The following SDHA variants were observed in gnomAD, a reference collection of about 807,000 sequenced individuals.
SDHA encodes succinate dehydrogenase complex flavoprotein subunit A, also known as succinate dehydrogenase [ubiquinone] flavoprotein subunit, mitochondrial.
A neutral mutation model predicts 78.4 loss-of-function variants in SDHA; 48 were observed. The ratio of observed to expected loss-of-function variants is 0.61; its 90% confidence interval spans 0.49 to 0.78. The LOEUF (loss-of-function observed/expected upper bound fraction) is 0.78, where lower values mean the gene tolerates loss of function less well. Among genes scored for constraint, SDHA ranks in the 30% least tolerant of loss-of-function variants. The pLI is 0.00. For missense variants in SDHA, 680 were observed against 892.7 expected, an observed-to-expected ratio of 0.76 and a Z score of 3.04; for synonymous variants, 326 against 353.9, an observed-to-expected ratio of 0.92 and a Z score of 0.88.
chr5:234,934 CT>C lies in SDHA; in HGVS notation c.1065-209del, dbSNP rs1357541716. 4 of 625,734 alleles carry C rather than the reference CT, an allele frequency of 6.4e-6. No individual in the cohort carries two copies. The African/African-American group carries it at 7.3e-5, about 11-fold the overall frequency. The allele number at this position is 625,734 out of a possible 1,614,324, so 38.8% of individuals were successfully genotyped here. On this transcript the variant is annotated intron_variant, in intron 8 of 14. Coordinates refer to ENST00000264932, the MANE Select transcript of SDHA (RefSeq NM_004168.4). The stretch of plus-strand genomic sequence containing the variant: ...GTTTAGTGAGGGCAGAGTTTTTGTT[CT>C]GGTTCTCAGCTGTGTCCCAGCACCT...
At chr5:266,026 G>C in the SDHA span, among the ~76,000 whole-genome samples, 1 of 95,174 alleles carries the variant, frequency 1.1e-5, no homozygotes, top group Admixed American at 1.0e-4. Flanking sequence ...CAGACCTTCC[G>C]ATTCAGTCCT....
In SDHA at chr5:256,610, C is replaced by G. The variant is rs928033472; in HGVS notation, c.*190C>G. The G allele has an allele frequency of 1.6e-6, 1 of 619,182 alleles. No homozygotes were observed. Among genetic ancestry groups the G allele is most frequent in the African/African-American group, 1.8e-5 (1 of 54,448 alleles). The allele number at this position is 619,182 out of a possible 1,614,324, so 38.4% of individuals were successfully genotyped here. ...AGTGGCCAGGGAGCGTGGCACTTAC[C>G]TTTGTCCCTTGCTTCATTCTTGTGA... On this transcript the variant is annotated 3_prime_UTR_variant, in exon 15 of 15. Transcript: ENST00000264932.
At chr5:247,336 G>A (rs913682852) in intron 11 of SDHA, among the ~76,000 whole-genome samples, 1 of 152,212 alleles carries the variant, frequency 6.6e-6, no homozygotes, top group Non-Finnish European at 1.5e-5. Flanking sequence ...GTTAGGAGTA[G>A]AATGCACCCT....
chr5:229,471 G>A (rs1030503317), intron 6 of SDHA, among the ~76,000 whole-genome samples: 2 of 152,232 alleles, frequency 1.3e-5, no homozygotes, highest in African/African-American at 4.8e-5. Context: ...TGAACCCAAA[G>A]TCATTATGTT....
intron 2 of SDHA, among the ~76,000 whole-genome samples, chr5:223,983 T>C (rs1431093297): frequency 7.3e-6 from 1 of 137,246 alleles, no homozygotes; most frequent in Non-Finnish European, 1.5e-5. Flanking sequence ...TTGTATTTAG[T>C]GAGCCTATCT....
the SDHA span, among the ~76,000 whole-genome samples, chr5:265,193 C>T: frequency 6.6e-6 from 1 of 152,014 alleles, no homozygotes; most frequent in Non-Finnish European, 1.5e-5. Context: ...GCAACAGGAA[C>T]AAAACTCCAT....
chr5:233,602 G>A lies in SDHA; in HGVS notation c.1021G>A (p.Asp341Asn). 2 of 1,614,218 alleles carry A rather than the reference G, an allele frequency of 1.2e-6. No individual in the cohort carries two copies. The highest frequency in any genetic ancestry group is 1.1e-5 in the South Asian group (1 of 91,088). ...TGTCGCGAAGGACCTGGCGTCTAGA[G>A]ATGTGGTGTCTCGGTCCATGACTCT... is the stretch of plus-strand genomic sequence containing the variant. ...APVAKDLASR[D>N]VVSRSMTLEI... The change falls in exon 8 of 15, where the codon GAT becomes AAT. Residue 341 changes from aspartate (D) to asparagine (N), a missense_variant. Physicochemically the swap from Asp to Asn is conservative, Grantham distance 23. Coordinates refer to ENST00000264932, the MANE Select transcript of SDHA (RefSeq NM_004168.4).
At chr5:244,658 G>A (rs1477064697) in intron 11 of SDHA, among the ~76,000 whole-genome samples, 5 of 152,170 alleles carry the variant, frequency 3.3e-5, no homozygotes, top group Non-Finnish European at 4.4e-5. Context: ...AGCACTGGCC[G>A]TCTGTGTGGC....
At chr5:233,403 T>C (rs1735536671) in intron 7 of SDHA, 74 bp from the exon 8 acceptor site, 1 of 1,533,526 alleles carries the variant, frequency 6.5e-7, no homozygotes, top group African/African-American at 1.4e-5. Context: ...CCAAAAAATG[T>C]CTTGAAAAAA....
rs1737149407 is a variant in SDHA at position 255,807 on chromosome 5, AGAC to A, written c.1909-523_1909-521del. On this transcript the variant is annotated intron_variant, in intron 14 of 14. Coordinates refer to ENST00000264932, the MANE Select transcript of SDHA (RefSeq NM_004168.4). ...ATTGAAATAAGAGCTCACTAACCAG[AGAC>A]GACCCATTATGGTTTAAATTTCTTT... is the stretch of plus-strand genomic sequence containing the variant. 4.6e-5 allele frequency among the ~76,000 whole-genome samples: 7 copies of A among 152,334 alleles called. No homozygotes were observed. In the South Asian group the frequency reaches 1.5e-3, roughly 32 times the overall value.
intron 10 of SDHA, among the ~76,000 whole-genome samples, chr5:237,471 G>A (rs1182704914): frequency 7.5e-6 from 1 of 132,916 alleles, no homozygotes; most frequent in Non-Finnish European, 1.5e-5. Flanking sequence ...AATACCATGT[G>A]TGGGAGTGTG....
chr5:239,632 C>G lies in SDHA; in HGVS notation c.1433-726C>G, dbSNP rs1336902150. On this transcript the variant is annotated intron_variant, in intron 10 of 14. Transcript: ENST00000264932. ...AGAGTCCAAATCAACAGGTGACTTT[C>G]AAGCACACAGCAGCCACCTTCCCCC... 9.2e-5 allele frequency among the ~76,000 whole-genome samples: 14 copies of G among 152,038 alleles called. No homozygotes were observed. The South Asian group carries it at 2.1e-3, about 23-fold the overall frequency.
intron 7 of SDHA, among the ~76,000 whole-genome samples, chr5:232,153 G>A (rs2126572913): frequency 6.6e-6 from 1 of 152,268 alleles, no homozygotes; most frequent in East Asian, 1.9e-4. Flanking sequence ...TTCTCTGTCA[G>A]TGTCAGCTTT....
intron 8 of SDHA, chr5:234,685 A>G (rs928942343): frequency 1.4e-5 from 3 of 215,736 alleles, no homozygotes; most frequent in Admixed American, 5.2e-5. Context: ...TAAAACTTGA[A>G]ATGAGGATGA....
At position 233,359 on chromosome 5, in the gene SDHA, A is replaced by G. The variant is rs1251211246; in HGVS notation, c.896-118A>G. 3.6e-6 allele frequency: 4 copies of G among 1,096,026 alleles called. No individual in the cohort carries two copies. The African/African-American group carries it at 4.7e-5, about 13-fold the overall frequency. The allele number at this position is 1,096,026 out of a possible 1,614,324, so 67.9% of individuals were successfully genotyped here. On this transcript the variant is annotated intron_variant, in intron 7 of 14. Coordinates refer to ENST00000264932, the MANE Select transcript of SDHA (RefSeq NM_004168.4). ...ACTGTCTTGCTGTGCAGTTTTGCAC[A>G]TAATGCCTTCTGCTTATCTTTTTCC...
At chr5:251,799 CATCA>C in intron 13 of SDHA, 1 of 1,267,798 alleles carries the variant, frequency 7.9e-7, no homozygotes, top group Non-Finnish European at 1.0e-6. Context: ...ACGAGTAAGC[CATCA>C]TTTCAAGCCT....
chr5:247,530 A>G lies in SDHA; in HGVS notation c.1552-3462A>G, dbSNP rs1355333316. On this transcript the variant is annotated intron_variant, in intron 11 of 14. Transcript: ENST00000264932. ...CAGTACCCGGAAAGAAGCTAAAGCT[A>G]TTATCCAGCGATGCCCAACTTGCCA... 5.3e-5 allele frequency among the ~76,000 whole-genome samples: 8 copies of G among 152,250 alleles called. No homozygotes were observed. In the East Asian group the frequency reaches 7.7e-4, roughly 15 times the overall value.
At chr5:249,905 T>C (rs1309585291) in intron 11 of SDHA, 2 of 152,244 alleles carry the variant, frequency 1.3e-5, no homozygotes, top group Admixed American at 6.5e-5. Flanking sequence ...AAGAATGTAG[T>C]AAGGTGTCTG....
intron 1 of SDHA, among the ~76,000 whole-genome samples, chr5:222,379 T>G (rs6882086): frequency 0.23 from 34,127 of 147,662 alleles, 6,266 homozygotes; most frequent in African/African-American, 0.51. Context: ...ACGTTGTCTC[T>G]CTCTGTTGCC....
Sources: allele counts gnomAD v4.1 joint callset (sites outside exome capture counted in the v4.1 genomes callset), GRCh38; gene constraint gnomAD v4.1.1; transcripts MANE v1.5; gene names NCBI Gene and HGNC (gene_info 2026-07-23, HGNC 2026-07-21).